The following CTNNA3 variants were observed in gnomAD, a reference collection of about 807,000 sequenced individuals.
CTNNA3 encodes the protein catenin alpha-3.
A neutral mutation model predicts 95.7 loss-of-function variants in CTNNA3; 76 were observed. The ratio of observed to expected loss-of-function variants is 0.79; its 90% CI spans 0.66 to 0.96. The LOEUF (loss-of-function observed/expected upper bound fraction) is 0.96. CTNNA3 is among the 40% of genes least tolerant of loss of function. The pLI, the probability that CTNNA3 is intolerant of heterozygous loss-of-function variation, is 0.00. For synonymous variants in CTNNA3, 431 were observed against 374.4 expected (o/e 1.15, Z -1.74); for missense variants, 1,191 against 1,089.8 (o/e 1.09, Z -1.31).
chr10:67,228,047 C>T (rs527979847), intron 5 of CTNNA3, among the ~76,000 whole-genome samples: 46 of 152,176 alleles, frequency 3.0e-4, no homozygotes, highest in Middle Eastern at 3.4e-3. Flanking sequence ...GGAAAGTTCA[C>T]AGCCCTAAAC....
In CTNNA3 at chr10:67,556,212, C is replaced by T. The variant is rs190851049; in HGVS notation, c.293-16543G>A. ...TTCATCAGGGTTATTGGCCTAAAATCCTCTTTTTTTGTTGTGTCTCTGCCA... is the reference window on the plus strand; with the variant it reads ...TTCATCAGGGTTATTGGCCTAAAATTCTCTTTTTTTGTTGTGTCTCTGCCA... On this transcript the variant is annotated intron_variant, in intron 3 of 17. Coordinates refer to ENST00000433211, the MANE Select transcript of CTNNA3 (RefSeq NM_013266.4). 2.8e-3 allele frequency among the ~76,000 whole-genome samples: 423 copies of T among 152,106 alleles called. 3 individuals carry two copies. The highest frequency in any genetic ancestry group is 9.8e-3 in the African/African-American group (406 of 41,500).
At chr10:66,515,345 C>CTCTCTATATATATA (rs558913767) in intron 11 of CTNNA3, among the ~76,000 whole-genome samples, 228 of 148,978 alleles carry the variant, frequency 1.5e-3, no homozygotes, top group Admixed American at 2.8e-3. Flanking sequence ...CTCTCTCTCT[C>CTCTCTATATATATA]TATATATATA....
chr10:67,348,566 G>A (rs1281265643), intron 5 of CTNNA3, among the ~76,000 whole-genome samples: 1 of 152,076 alleles, frequency 6.6e-6, no homozygotes, highest in Non-Finnish European at 1.5e-5. Context: ...GAAGGGAAAG[G>A]GGGAGCCTGC....
chr10:66,955,319 ATATC>A (rs1848730846), intron 7 of CTNNA3, among the ~76,000 whole-genome samples: 1 of 152,184 alleles, frequency 6.6e-6, no homozygotes. Context: ...ACTCTGAATA[ATATC>A]TATCAATTAC....
intron 5 of CTNNA3, among the ~76,000 whole-genome samples, chr10:67,366,753 G>A (rs1423791273): frequency 1.3e-5 from 2 of 152,032 alleles, no homozygotes; most frequent in African/African-American, 4.8e-5. Flanking sequence ...CATACAATGG[G>A]GAAAGAACTC....
At chr10:67,445,167 A>G (rs191216799) in intron 5 of CTNNA3, among the ~76,000 whole-genome samples, 5 of 152,156 alleles carry the variant, frequency 3.3e-5, no homozygotes, top group Non-Finnish European at 5.9e-5. Context: ...TTGCAAGCTT[A>G]ATGGTAACCT....
rs532977794 is a variant in CTNNA3, at chr10:67,275,491, A to C, written c.580-55621T>G. On this transcript the variant is annotated intron_variant, in intron 5 of 17. Transcript: ENST00000433211. Reference sequence around the variant, plus strand: ...ATATTTGTGTTAGAAATTATTTTTAAAAAATGACTGACAATGAATGTGCTA... The same window carrying C: ...ATATTTGTGTTAGAAATTATTTTTACAAAATGACTGACAATGAATGTGCTA... Among the ~76,000 whole-genome samples, 19 of 152,316 alleles carry C rather than the reference A, an allele frequency of 1.2e-4. No homozygotes were observed. In the East Asian group the frequency reaches 3.7e-3, roughly 29 times the overall value.
At chr10:65,958,053 T>C (rs1024769249) in intron 17 of CTNNA3, among the ~76,000 whole-genome samples, 4 of 152,090 alleles carry the variant, frequency 2.6e-5, no homozygotes, top group African/African-American at 9.7e-5. Flanking sequence ...TTTCACATAG[T>C]CCCATATTTC....
chr10:66,526,570 C>T (rs1389269401), intron 10 of CTNNA3, among the ~76,000 whole-genome samples: 1 of 152,110 alleles, frequency 6.6e-6, no homozygotes, highest in Non-Finnish European at 1.5e-5. Flanking sequence ...CTGCAATGCC[C>T]AAGAGTTCCT....
Position 67,538,580 on chromosome 10 carries a change from A to C in CTNNA3, c.459+923T>G, listed in dbSNP as rs569309407. Among the ~76,000 whole-genome samples, 69 of 111,272 alleles carry C rather than the reference A, an allele frequency of 6.2e-4. No homozygotes were observed. In the South Asian group the frequency reaches 0.028, roughly 46 times the overall value. The allele number at this position is 111,272 out of a possible 152,430, so 73.0% of individuals were successfully genotyped here. A position where few individuals can be genotyped will look rare whatever the true frequency, so the allele number is the denominator to read the frequency against. On this transcript the variant is annotated intron_variant, in intron 4 of 17. Coordinates refer to ENST00000433211, the MANE Select transcript of CTNNA3 (RefSeq NM_013266.4). ...AGGCGACAGTGCGAGACTCCATCTC[A>C]AAAAAAAAAAGAAAAAAGGAAAGAA... is the stretch of plus-strand genomic sequence containing the variant.
chr10:66,928,178 T>G, intron 7 of CTNNA3: 1 of 1,614,108 alleles, frequency 6.2e-7, no homozygotes, highest in African/African-American at 1.3e-5. Context: ...CATAAAATCA[T>G]CGCGGGCAGC....
intron 17 of CTNNA3, among the ~76,000 whole-genome samples, chr10:65,949,284 G>A (rs537018242): frequency 6.6e-6 from 1 of 152,184 alleles, no homozygotes; most frequent in Admixed American, 6.5e-5. Flanking sequence ...TACTAACCAT[G>A]TGACATTTGG....
chr10:65,962,029 G>C (rs1420974442), intron 17 of CTNNA3, among the ~76,000 whole-genome samples: 1 of 152,120 alleles, frequency 6.6e-6, no homozygotes, highest in Non-Finnish European at 1.5e-5. Context: ...ACTTTATGGA[G>C]ATGGTAAACT....
intron 14 of CTNNA3, among the ~76,000 whole-genome samples, chr10:66,088,985 T>G (rs948156220): frequency 5.3e-5 from 8 of 152,030 alleles, no homozygotes; most frequent in African/African-American, 1.9e-4. Flanking sequence ...TATAAACATT[T>G]TCTTATATAA....
At chr10:66,386,496 A>G (rs560882159) in intron 11 of CTNNA3, among the ~76,000 whole-genome samples, 1 of 152,310 alleles carries the variant, frequency 6.6e-6, no homozygotes, top group East Asian at 1.9e-4. Flanking sequence ...GGAAGAATCA[A>G]TATCGTGAAA....
intron 10 of CTNNA3, among the ~76,000 whole-genome samples, 192 bp downstream of exon 10, chr10:66,621,500 T>A (rs1844745647): frequency 6.6e-6 from 1 of 151,348 alleles, no homozygotes; most frequent in African/African-American, 2.4e-5. Flanking sequence ...GGCGCATGCC[T>A]GTAATCCCAG....
chr10:67,183,055 A>G lies in CTNNA3; in HGVS notation c.844-2535T>C, dbSNP rs545184050. ...CAAGAAACAACAGGTGCTGGAGAGGATATGGAGAAACAGGAACACTTTTAC... is the reference window on the plus strand; with the variant it reads ...CAAGAAACAACAGGTGCTGGAGAGGGTATGGAGAAACAGGAACACTTTTAC... On this transcript the variant is annotated intron_variant, in intron 6 of 17. Transcript: ENST00000433211. Among the ~76,000 whole-genome samples the G allele has an allele frequency of 4.3e-4, 66 of 152,306 alleles. 1 individual carries two copies. Among genetic ancestry groups the G allele is most frequent in the Middle Eastern group, 3.4e-3 (1 of 294 alleles).
intron 15 of CTNNA3, among the ~76,000 whole-genome samples, chr10:66,007,926 T>C (rs1392373722): frequency 1.3e-5 from 2 of 151,632 alleles, no homozygotes; most frequent in Non-Finnish European, 2.9e-5. Context: ...GTGCCTTAAG[T>C]CACAGTGCCA....
At position 66,653,210 on chromosome 10, in the gene CTNNA3, G is replaced by GA. The variant is rs1160869490; in HGVS notation, c.1282-31427dup. ...TGCAGATCACATGATCTTATAAATAGAAAAAATTAGTGACCTCACTAAACT... is the reference window on the plus strand; with the variant it reads ...TGCAGATCACATGATCTTATAAATAGAAAAAAATTAGTGACCTCACTAAACT... On this transcript the variant is annotated intron_variant, in intron 9 of 17. Coordinates refer to ENST00000433211, the MANE Select transcript of CTNNA3 (RefSeq NM_013266.4). Among the ~76,000 whole-genome samples, 7 of 151,964 alleles carry GA rather than the reference G, an allele frequency of 4.6e-5. No homozygotes were observed. The South Asian group carries it at 1.2e-3, about 27-fold the overall frequency.
Sources: gnomAD v4.1 joint callset for allele counts (sites outside exome capture counted in the v4.1 genomes callset) on GRCh38, gnomAD v4.1.1 for gene constraint, MANE v1.5 for transcripts, NCBI Gene and HGNC (gene_info 2026-07-23, HGNC 2026-07-21) for gene names.